Variants in DOCK7 observed in about 807,000 individuals in gnomAD.
DOCK7 encodes dedicator of cytokinesis protein 7.
DOCK7 carries 138 observed loss-of-function variants against 271.0 expected under a neutral mutation model. That is an observed-to-expected ratio of 0.51 (90% CI 0.44 to 0.59). The LOEUF (loss-of-function observed/expected upper bound fraction) is 0.59, where lower values mean the gene tolerates loss of function less well. DOCK7 is among the 20% of genes least tolerant of loss of function. DOCK7 has a pLI of 0.00. For missense variants in DOCK7, 2,066 were observed against 2,592.4 expected, an observed-to-expected ratio of 0.80 and a Z score of 4.41; for synonymous variants, 823 against 876.1, an observed-to-expected ratio of 0.94 and a Z score of 1.07.
intron 31 of DOCK7, among the ~76,000 whole-genome samples, chr1:62,521,034 T>G (rs528938238): frequency 2.7e-5 from 4 of 148,736 alleles, no homozygotes; most frequent in African/African-American, 1.0e-4. Context: ...TTCTCACTCA[T>G]AGGTGGGAGT....
chr1:62,521,908 G>A (rs1470346615), intron 31 of DOCK7, among the ~76,000 whole-genome samples: 3 of 152,198 alleles, frequency 2.0e-5, no homozygotes, highest in South Asian at 2.1e-4. Context: ...GCCAGGAGGC[G>A]GAGGTTGCAG....
intron 1 of DOCK7, among the ~76,000 whole-genome samples, chr1:62,684,572 T>C (rs1014646169): frequency 6.6e-6 from 1 of 152,216 alleles, no homozygotes; most frequent in African/African-American, 2.4e-5. Flanking sequence ...CTCTGGGTTA[T>C]GAAGATGAGA....
rs1409767431 is a variant in DOCK7 at position 62,539,827 on chromosome 1, A to G, written c.3111T>C (p.Phe1037=). 2 of 1,613,900 alleles carry G rather than the reference A, an allele frequency of 1.2e-6. No homozygotes were observed. The highest frequency in any genetic ancestry group is 1.7e-5 in the Admixed American group (1 of 59,992). Residue 1037 remains phenylalanine (F), a synonymous_variant, in exon 26 of 50, where the codon TTT becomes TTC. Coordinates refer to ENST00000635253, the MANE Select transcript of DOCK7 (RefSeq NM_001367561.1). The part of the protein sequence containing the change: ...DKLEAPRKSR[F]PERFMDDIAA... ...CAATGTCATCCATGAAACGTTCTGGAAAACGACTTTTCCTTGGAGCCTCAA... is the reference window on the plus strand; with the variant it reads ...CAATGTCATCCATGAAACGTTCTGGGAAACGACTTTTCCTTGGAGCCTCAA...
In DOCK7 at chr1:62,688,271, T is replaced by TGCGGCG. The variant is rs1231926880; in HGVS notation, c.-13_-8dup. 8.4e-6 allele frequency: 11 copies of TGCGGCG among 1,304,696 alleles called. No homozygotes were observed. Among genetic ancestry groups the TGCGGCG allele is most frequent in the African/African-American group, 1.6e-5 (1 of 64,360 alleles). The allele number at this position is 1,304,696 out of a possible 1,614,324, so 80.8% of individuals were successfully genotyped here. ...AGGCGCGGCGCTCGGCCATGGCTGC[T>TGCGGCG]GCGGCGACGGCGACGGCGGCGGCGG... is the stretch of plus-strand genomic sequence containing the variant. On this transcript the variant is annotated 5_prime_UTR_variant, in exon 1 of 50. Coordinates refer to ENST00000635253, the MANE Select transcript of DOCK7 (RefSeq NM_001367561.1).
chr1:62,592,747 C>T (rs1214518872), intron 14 of DOCK7, among the ~76,000 whole-genome samples: 1 of 151,890 alleles, frequency 6.6e-6, no homozygotes, highest in Admixed American at 6.6e-5. Context: ...ACATTTTTTG[C>T]CTTTTTCATT....
intron 43 of DOCK7, chr1:62,481,383 A>C (rs1452946120): frequency 2.0e-5 from 3 of 152,152 alleles, no homozygotes; most frequent in African/African-American, 4.8e-5. Flanking sequence ...TGAGAATTTG[A>C]CTATTTTCAA....
chr1:62,489,338 A>G (rs919290816), intron 41 of DOCK7, among the ~76,000 whole-genome samples: 3 of 152,068 alleles, frequency 2.0e-5, no homozygotes, highest in African/African-American at 7.2e-5. Flanking sequence ...AGTCCCAGCT[A>G]CTCAGGAGGC....
intron 14 of DOCK7, among the ~76,000 whole-genome samples, chr1:62,596,074 T>C (rs1649194946): frequency 1.3e-5 from 2 of 152,206 alleles, no homozygotes; most frequent in Non-Finnish European, 1.5e-5. Context: ...TGATTATATA[T>C]ACCCACACAC....
chr1:62,586,149 A>C (rs375317596), intron 15 of DOCK7, among the ~76,000 whole-genome samples: 3 of 152,190 alleles, frequency 2.0e-5, no homozygotes, highest in African/African-American at 7.2e-5. Flanking sequence ...GAGGAGAATA[A>C]GAATCACAGA....
chr1:62,603,146 T>C (rs1650403496), intron 14 of DOCK7, among the ~76,000 whole-genome samples: 1 of 151,714 alleles, frequency 6.6e-6, no homozygotes, highest in Non-Finnish European at 1.5e-5. Flanking sequence ...CCAAATCTTC[T>C]AATAGTGAGT....
chr1:62,513,634 G>A (rs770675977), intron 32 of DOCK7, 28 bp from the exon 33 acceptor site: 53 of 1,603,638 alleles, frequency 3.3e-5, no homozygotes, highest in Non-Finnish European at 4.4e-5. Flanking sequence ...GAAGAGAAGA[G>A]GTATTGAGGA....
intron 29 of DOCK7, among the ~76,000 whole-genome samples, chr1:62,534,660 CA>C (rs1645284439): frequency 6.6e-6 from 1 of 152,070 alleles, no homozygotes; most frequent in African/African-American, 2.4e-5. Context: ...ATCACATCAT[CA>C]GACAATATAC....
chr1:62,618,074 C>T (rs761167101), intron 14 of DOCK7, among the ~76,000 whole-genome samples: 41 of 152,042 alleles, frequency 2.7e-4, no homozygotes, highest in Non-Finnish European at 4.4e-4. Context: ...AATATCCCAA[C>T]AGACATGTCA....
rs562998527 is a variant in DOCK7 at position 62,590,882 on chromosome 1, T to C, written c.1683-4258A>G. Among the ~76,000 whole-genome samples, 21 of 152,324 alleles carry C rather than the reference T, an allele frequency of 1.4e-4. No homozygotes were observed. The East Asian group carries it at 2.1e-3, about 15-fold the overall frequency. On this transcript the variant is annotated intron_variant, in intron 14 of 49. Coordinates refer to ENST00000635253, the MANE Select transcript of DOCK7 (RefSeq NM_001367561.1). ...GGTTGTGGAGAAAAGGGAACACTTA[T>C]ACACTGTTGGTGGGAGTCTTAGTTT...
intron 12 of DOCK7, among the ~76,000 whole-genome samples, chr1:62,623,022 C>T (rs1393669204): frequency 2.0e-5 from 3 of 152,184 alleles, no homozygotes; most frequent in Non-Finnish European, 4.4e-5. Context: ...GACCCCCCAG[C>T]CTTGGCCTCC....
chr1:62,557,065 C>CT (rs11324868), intron 20 of DOCK7, among the ~76,000 whole-genome samples: 1,907 of 137,224 alleles, frequency 0.014, 29 homozygotes, highest in East Asian at 0.045. Flanking sequence ...TTTTTCTTTT[C>CT]TTTTTTTTTT....
intron 18 of DOCK7, among the ~76,000 whole-genome samples, chr1:62,568,081 T>G (rs1218826390): frequency 6.6e-6 from 1 of 151,650 alleles, no homozygotes; most frequent in Non-Finnish European, 1.5e-5. Flanking sequence ...GAAATTAAAT[T>G]AGAACTCAAA....
intron 47 of DOCK7, among the ~76,000 whole-genome samples, chr1:62,474,675 C>A (rs758147116): frequency 4.6e-5 from 7 of 152,178 alleles, no homozygotes; most frequent in Non-Finnish European, 7.4e-5. Flanking sequence ...TACAGGAAAT[C>A]TTACTTGAAG....
rs181997811 is a variant in DOCK7 at position 62,465,676 on chromosome 1, G to A, written c.6213-7971C>T. 2.1e-3 allele frequency among the ~76,000 whole-genome samples: 322 copies of A among 152,024 alleles called. 2 individuals are homozygous for A. Among genetic ancestry groups the A allele is most frequent in the African/African-American group, 7.3e-3 (304 of 41,448 alleles). On this transcript the variant is annotated intron_variant, in intron 48 of 49. Transcript: ENST00000635253. ...AAGTGATTTTCCTGCCTCAGTCTCCGGAGTACCTGGGATTACATGTGTGTG... is the reference window on the plus strand; with the variant it reads ...AAGTGATTTTCCTGCCTCAGTCTCCAGAGTACCTGGGATTACATGTGTGTG...
Sources: gnomAD v4.1 joint callset for allele counts (sites outside exome capture counted in the v4.1 genomes callset) on GRCh38, gnomAD v4.1.1 for gene constraint, MANE v1.5 for transcripts, NCBI Gene and HGNC (gene_info 2026-07-23, HGNC 2026-07-21) for gene names.